Variants in NINL observed in about 807,000 individuals in gnomAD.
The protein encoded by NINL is ninein like, also known as ninein-like protein.
NINL carries 153 observed loss-of-function variants against 160.3 expected under a neutral mutation model. The ratio of observed to expected loss-of-function variants is 0.95; its 90% CI spans 0.84 to 1.09. The LOEUF is 1.09. Among genes scored for constraint, NINL ranks in the 50% least tolerant of loss-of-function variants. The pLI, the probability that NINL is intolerant of heterozygous loss-of-function variation, is 0.00. For synonymous variants in NINL, 800 were observed against 734.8 expected (o/e 1.09, Z -1.43); for missense variants, 1,829 against 1,764.0 (o/e 1.04, Z -0.66).
intron 1 of NINL, among the ~76,000 whole-genome samples, chr20:25,560,177 T>TGGCCTC (rs1201063856): frequency 1.3e-5 from 2 of 152,186 alleles, no homozygotes; most frequent in Non-Finnish European, 2.9e-5. Context: ...CTCTTGGCCT[T>TGGCCTC]GGCCTCAGGC....
In NINL at chr20:25,503,969, C is replaced by G. The variant is rs753560205; in HGVS notation, c.844G>C (p.Ala282Pro). Residue 282 changes from alanine to proline, a missense_variant, in exon 7 of 24, where the codon GCT becomes CCT. Coordinates refer to ENST00000278886, the MANE Select transcript of NINL (RefSeq NM_025176.6). ...CATTTTACCTGGTAATGAGACCAAG[C>G]CTTGCTCGGTTTAACCCGAGTGGAA... ...ESSTRVKPSK[A>P]WSHYQVPEES... The G allele has an allele frequency of 7.4e-6, 12 of 1,614,016 alleles. No homozygotes were observed. Among genetic ancestry groups the G allele is most frequent in the Non-Finnish European group, 9.3e-6 (11 of 1,180,012 alleles).
Position 25,471,337 on chromosome 20 carries a change from C to A in NINL, c.3249-1242G>T, listed in dbSNP as rs117103146. Reference sequence around the variant, plus strand: ...TAAACATAAGTATCTTCTTCATATGCCTTCATTTTATCTCATGAGGAACTA... The same window carrying A: ...TAAACATAAGTATCTTCTTCATATGACTTCATTTTATCTCATGAGGAACTA... On this transcript the variant is annotated intron_variant, in intron 17 of 23. Transcript: ENST00000278886. 2.1e-3 allele frequency among the ~76,000 whole-genome samples: 318 copies of A among 152,262 alleles called. 8 individuals carry two copies. The East Asian group carries it at 0.051, about 24-fold the overall frequency.
chr20:25,579,218 G>A (rs529111762), intron 1 of NINL, among the ~76,000 whole-genome samples: 12 of 152,222 alleles, frequency 7.9e-5, no homozygotes, highest in East Asian at 3.9e-4. Flanking sequence ...TCTCCAGACC[G>A]GAGCACCCCT....
Position 25,467,403 on chromosome 20 carries a change from C to A in NINL, c.3409G>T (p.Val1137Leu). Residue 1137 changes from valine to leucine, a missense_variant, in exon 19 of 24, where the codon GTG (valine) becomes TTG (leucine). Coordinates refer to ENST00000278886, the MANE Select transcript of NINL (RefSeq NM_025176.6). ...DKEKACSEME[V>L]LNRQNQNYKD... The stretch of plus-strand genomic sequence containing the variant: ...CGATACGTCACCTGTCTGTTGAGCA[C>A]CTCCATCTCAGAGCAGGCCTTTTCC... The A allele has an allele frequency of 1.2e-6, 2 of 1,613,778 alleles. No homozygotes were observed. The highest frequency in any genetic ancestry group is 1.1e-5 in the South Asian group (1 of 91,074).
chr20:25,463,125 C>T (rs2062832850), intron 19 of NINL, among the ~76,000 whole-genome samples: 1 of 152,102 alleles, frequency 6.6e-6, no homozygotes, highest in African/African-American at 2.4e-5. Flanking sequence ...CCCTACAACA[C>T]AGATGATTTG....
At chr20:25,488,922 G>A (rs1844230622) in intron 13 of NINL, 2 of 306,002 alleles carry the variant, frequency 6.5e-6, no homozygotes, top group South Asian at 1.4e-4. Context: ...TTCATTCACT[G>A]CGTCCACTGC....
chr20:25,473,507 A>ATAAAAT (rs1016721960), intron 17 of NINL, among the ~76,000 whole-genome samples: 5 of 149,778 alleles, frequency 3.3e-5, no homozygotes, highest in African/African-American at 4.9e-5. Flanking sequence ...ATAAAATAAA[A>ATAAAAT]TAAAATAAAA....
At chr20:25,488,457 C>A (rs189289902) in intron 13 of NINL, among the ~76,000 whole-genome samples, 1 of 152,090 alleles carries the variant, frequency 6.6e-6, no homozygotes, top group East Asian at 1.9e-4. Context: ...AACTCCTGAC[C>A]GCATGATCCA....
In NINL at chr20:25,476,618, C is replaced by T. The variant is rs774168668; in HGVS notation, c.2673G>A (p.Pro891=). 7 of 1,593,052 alleles carry T rather than the reference C, an allele frequency of 4.4e-6. No individual in the cohort carries two copies. Among genetic ancestry groups the T allele is most frequent in the African/African-American group, 1.3e-5 (1 of 74,864 alleles). ...QAQDTEATQS[P]APAPAPASHG... is the part of the protein sequence containing the mutation. Reference sequence around the variant, plus strand: ...GGGATGCCGGGGCAGGGGCGGGGGCCGGGCTCTGCGTAGCTTCTGTGTCCT... The same window carrying T: ...GGGATGCCGGGGCAGGGGCGGGGGCTGGGCTCTGCGTAGCTTCTGTGTCCT... The change falls in exon 17 of 24, where the codon CCG becomes CCA. Residue 891 remains proline (P), a synonymous_variant. Transcript: ENST00000278886.
chr20:25,578,292 G>A (rs1330241286), intron 1 of NINL, among the ~76,000 whole-genome samples: 2 of 151,682 alleles, frequency 1.3e-5, no homozygotes, highest in Non-Finnish European at 2.9e-5. Context: ...ATTTTTGGTA[G>A]AGACGGGGAT....
At chr20:25,467,334 A>G (rs1436573823) in intron 19 of NINL, 55 bp downstream of exon 19, 3 of 1,353,584 alleles carry the variant, frequency 2.2e-6, no homozygotes, top group Non-Finnish European at 3.2e-6. Context: ...TGATTTCAAA[A>G]TAATGAAAAA....
At chr20:25,479,505 T>A (rs538982991) in intron 15 of NINL, among the ~76,000 whole-genome samples, 1 of 152,264 alleles carries the variant, frequency 6.6e-6, no homozygotes, top group South Asian at 2.1e-4. Context: ...GAGGGTGGAA[T>A]CTTTACAGGA....
chr20:25,506,744 C>T (rs148512417), intron 5 of NINL, among the ~76,000 whole-genome samples: 3 of 152,292 alleles, frequency 2.0e-5, no homozygotes, highest in East Asian at 1.9e-4. Context: ...CACTGAAGGA[C>T]GGCTTCTACT....
chr20:25,502,544 T>C (rs559537212), intron 7 of NINL, among the ~76,000 whole-genome samples: 1 of 152,342 alleles, frequency 6.6e-6, no homozygotes, highest in African/African-American at 2.4e-5. Context: ...GCAACTGATA[T>C]GGCTTAGATC....
intron 21 of NINL, chr20:25,458,962 G>C (rs142380634): frequency 5.4e-4 from 87 of 162,600 alleles, no homozygotes; most frequent in African/African-American, 1.9e-3. Flanking sequence ...AGGGAAGGTG[G>C]GGCCAGGGCT....
At chr20:25,518,118 T>C (rs867588612) in intron 2 of NINL, among the ~76,000 whole-genome samples, 93 of 152,364 alleles carry the variant, frequency 6.1e-4, no homozygotes, top group African/African-American at 2.0e-3. Flanking sequence ...AGGGATCTGA[T>C]GACCACGAAA....
At chr20:25,550,465 C>T (rs774945357) in intron 1 of NINL, among the ~76,000 whole-genome samples, 12 of 151,902 alleles carry the variant, frequency 7.9e-5, no homozygotes, top group African/African-American at 1.5e-4. Flanking sequence ...AGGGGACCGG[C>T]GCTCCGCAAG....
At chr20:25,491,224 C>T in intron 11 of NINL, 127 bp downstream of exon 11, 1 of 1,187,814 alleles carries the variant, frequency 8.4e-7, no homozygotes, top group Non-Finnish European at 1.2e-6. Context: ...TCCCTCGGGC[C>T]CTGCCCTGAA....
At position 25,476,978 on chromosome 20, in the gene NINL, G is replaced by T; in HGVS notation, c.2313C>A (p.Arg771=). ...CCAGCTGCTCCGACCTCTGGCTCCC[G>T]CGTGGCAGGGGTCCCTGCGGCGGCT... ...LEEPPQGPLP[R]GSQRSEQLEL... is the part of the protein sequence containing the mutation. The change falls in exon 17 of 24, where the codon CGC becomes CGA. Residue 771 remains arginine (R), a synonymous_variant. Transcript: ENST00000278886. 6.2e-7 allele frequency: 1 copy of T among 1,606,044 alleles called. No individual in the cohort carries two copies. Among genetic ancestry groups the T allele is most frequent in the Non-Finnish European group, 8.5e-7 (1 of 1,179,772 alleles).
Sources: allele counts gnomAD v4.1 joint callset (sites outside exome capture counted in the v4.1 genomes callset), GRCh38; gene constraint gnomAD v4.1.1; transcripts MANE v1.5; gene names NCBI Gene and HGNC (gene_info 2026-07-23, HGNC 2026-07-21).